HS3ST4: variants seen among roughly 807,000 people sequenced by gnomAD.
HS3ST4 encodes the protein heparan sulfate-glucosamine 3-sulfotransferase 4.
A neutral mutation model predicts 29.2 loss-of-function variants in HS3ST4; 17 were observed. The observed-to-expected ratio is 0.58, with a 90% CI of 0.40 to 0.87. The LOEUF (loss-of-function observed/expected upper bound fraction) is 0.87. HS3ST4 is among the 40% of genes least tolerant of loss of function. The pLI, the probability that HS3ST4 is intolerant of heterozygous loss-of-function variation, is 0.00. For missense variants in HS3ST4, 627 were observed against 634.5 expected (o/e 0.99, Z 0.13); for synonymous variants, 314 against 285.7 (o/e 1.10, Z -1.00).
intron 1 of HS3ST4, among the ~76,000 whole-genome samples, chr16:25,730,446 C>T (rs967123381): frequency 6.9e-6 from 1 of 144,254 alleles, no homozygotes; most frequent in Non-Finnish European, 1.5e-5. Flanking sequence ...TCCTCCCTCT[C>T]TCCCTTCTTC....
chr16:26,119,276 A>G lies in HS3ST4; in HGVS notation c.735-16336A>G, dbSNP rs111424703. On this transcript the variant is annotated intron_variant, in intron 1 of 1. Transcript: ENST00000331351. ...GTGGGTAATGGCATTTAGAGGAACA[A>G]GACAGGGAGAGATGGGCCATTAGAG... 4.7e-4 allele frequency among the ~76,000 whole-genome samples: 72 copies of G among 152,336 alleles called. 1 individual carries two copies. The highest frequency in any genetic ancestry group is 3.4e-3 in the Middle Eastern group (1 of 294).
intron 1 of HS3ST4, among the ~76,000 whole-genome samples, chr16:25,707,049 G>T (rs1006780711): frequency 6.6e-6 from 1 of 152,154 alleles, no homozygotes; most frequent in Non-Finnish European, 1.5e-5. Context: ...TGTCCAGCAT[G>T]TCCACCCTGT....
chr16:25,703,913 T>C (rs576011157), intron 1 of HS3ST4, among the ~76,000 whole-genome samples: 2 of 152,336 alleles, frequency 1.3e-5, no homozygotes, highest in East Asian at 3.9e-4. Flanking sequence ...TCTGAGCTTG[T>C]TATGCTGTTT....
intron 1 of HS3ST4, among the ~76,000 whole-genome samples, chr16:25,860,388 C>G (rs1231258671): frequency 1.3e-5 from 2 of 152,156 alleles, no homozygotes; most frequent in Non-Finnish European, 2.9e-5. Context: ...AACTTATGTC[C>G]ACACAAAAAC....
intron 1 of HS3ST4, among the ~76,000 whole-genome samples, chr16:26,066,361 C>G (rs772824534): frequency 6.6e-6 from 1 of 152,136 alleles, no homozygotes; most frequent in African/African-American, 2.4e-5. Flanking sequence ...GGTATTCTCT[C>G]GCAAGAGAGA....
Position 26,015,148 on chromosome 16 carries a change from A to T in HS3ST4, c.735-120464A>T, listed in dbSNP as rs74383900. 1.6e-3 allele frequency among the ~76,000 whole-genome samples: 239 copies of T among 152,340 alleles called. 1 individual carries two copies. In the East Asian group the frequency reaches 0.035, roughly 23 times the overall value. On this transcript the variant is annotated intron_variant, in intron 1 of 1. Transcript: ENST00000331351. ...AAGTCGACCTAAGACTTCTGACACC[A>T]GCAACAAGTGTGGGGGCCCTCAACC...
chr16:26,022,397 T>A (rs188176225), intron 1 of HS3ST4, among the ~76,000 whole-genome samples: 4 of 152,310 alleles, frequency 2.6e-5, no homozygotes, highest in Admixed American at 2.0e-4. Flanking sequence ...AATTACATAG[T>A]GGACACTTAC....
intron 1 of HS3ST4, among the ~76,000 whole-genome samples, chr16:25,828,305 T>TCC (rs1967254175): frequency 2.6e-5 from 2 of 76,144 alleles, no homozygotes; most frequent in Non-Finnish European, 4.9e-5. Flanking sequence ...TCTTTCCCTC[T>TCC]CTCTCTCTCT....
chr16:26,115,945 G>A (rs868103522), intron 1 of HS3ST4, among the ~76,000 whole-genome samples: 2 of 152,182 alleles, frequency 1.3e-5, no homozygotes, highest in African/African-American at 4.8e-5. Flanking sequence ...TTCTATTTGT[G>A]GCAATTGTAG....
At chr16:25,728,757 C>A (rs561656460) in intron 1 of HS3ST4, among the ~76,000 whole-genome samples, 27 of 152,106 alleles carry the variant, frequency 1.8e-4, no homozygotes, top group Non-Finnish European at 3.2e-4. Flanking sequence ...TCTTCTGTTT[C>A]TCAGTAATGA....
chr16:25,958,237 C>T (rs911776772), intron 1 of HS3ST4, among the ~76,000 whole-genome samples: 40 of 152,162 alleles, frequency 2.6e-4, no homozygotes, highest in African/African-American at 9.4e-4. Context: ...ATCTTTGCTG[C>T]GTAAGAAATC....
intron 1 of HS3ST4, among the ~76,000 whole-genome samples, chr16:25,993,893 G>A (rs998149726): frequency 1.3e-5 from 2 of 151,458 alleles, no homozygotes; most frequent in Non-Finnish European, 2.9e-5. Flanking sequence ...TTCTTGGTGA[G>A]GGTCCATCTT....
intron 1 of HS3ST4, among the ~76,000 whole-genome samples, chr16:25,701,655 G>C (rs767556734): frequency 1.3e-5 from 2 of 152,164 alleles, no homozygotes; most frequent in Non-Finnish European, 2.9e-5. Context: ...ATTCTGTGCA[G>C]CTGTTATTTA....
chr16:25,896,919 G>A (rs1162349501), intron 1 of HS3ST4, among the ~76,000 whole-genome samples: 1 of 152,182 alleles, frequency 6.6e-6, no homozygotes, highest in Non-Finnish European at 1.5e-5. Flanking sequence ...AATACCACAT[G>A]TTCTCACTTA....
chr16:25,711,723 T>A (rs1161351496), intron 1 of HS3ST4, among the ~76,000 whole-genome samples: 1 of 152,200 alleles, frequency 6.6e-6, no homozygotes, highest in Non-Finnish European at 1.5e-5. Flanking sequence ...TCCCTGACTT[T>A]ATAAGGTGCA....
At chr16:25,864,350 G>A (rs199509799) in intron 1 of HS3ST4, among the ~76,000 whole-genome samples, 1 of 151,866 alleles carries the variant, frequency 6.6e-6, no homozygotes, top group Non-Finnish European at 1.5e-5. Flanking sequence ...ACTTTTAAGT[G>A]TGCAAAGCAT....
chr16:25,989,505 G>T (rs776203028), intron 1 of HS3ST4, among the ~76,000 whole-genome samples: 2 of 152,176 alleles, frequency 1.3e-5, no homozygotes, highest in African/African-American at 4.8e-5. Context: ...CATCCTGCTG[G>T]AAAGTCCTCA....
intron 1 of HS3ST4, among the ~76,000 whole-genome samples, chr16:25,873,948 A>G (rs1967800069): frequency 6.6e-6 from 1 of 152,198 alleles, no homozygotes; most frequent in South Asian, 2.1e-4. Flanking sequence ...CAACACGTAC[A>G]ATAGTAGCCA....
intron 1 of HS3ST4, among the ~76,000 whole-genome samples, chr16:25,817,429 G>A (rs555685805): frequency 1.3e-5 from 2 of 152,306 alleles, no homozygotes; most frequent in East Asian, 3.9e-4. Context: ...TAACTCTGCT[G>A]TTATAGTGTA....
Sources: gnomAD v4.1 joint callset for allele counts (sites outside exome capture counted in the v4.1 genomes callset) on GRCh38, gnomAD v4.1.1 for gene constraint, MANE v1.5 for transcripts, NCBI Gene and HGNC (gene_info 2026-07-23, HGNC 2026-07-21) for gene names.